Variants in TENM2 observed in about 807,000 individuals in gnomAD.
TENM2 encodes the protein teneurin-2.
In TENM2, 52 loss-of-function variants were observed where a neutral mutation model predicts 245.2. The observed-to-expected ratio is 0.21, with a 90% CI of 0.17 to 0.27. TENM2 has a LOEUF of 0.27. Among genes scored for constraint, TENM2 ranks in the 10% least tolerant of loss-of-function variants. TENM2 has a pLI of 1.00. For synonymous variants in TENM2, 1,363 were observed against 1,438.9 expected, an observed-to-expected ratio of 0.95 and a Z score of 1.19; for missense variants, 3,046 against 3,666.8, an observed-to-expected ratio of 0.83 and a Z score of 4.37.
intron 2 of TENM2, among the ~76,000 whole-genome samples, chr5:167,695,004 T>C (rs1757670167): frequency 6.6e-6 from 1 of 152,246 alleles, no homozygotes; most frequent in African/African-American, 2.4e-5. Context: ...ACAACATTCA[T>C]CTACTCTTGC....
intron 2 of TENM2, among the ~76,000 whole-genome samples, chr5:167,827,306 G>A (rs1316112251): frequency 6.6e-6 from 1 of 152,172 alleles, no homozygotes; most frequent in Non-Finnish European, 1.5e-5. Flanking sequence ...TCAGAGTGGG[G>A]CTGGTAGGGG....
intron 2 of TENM2, among the ~76,000 whole-genome samples, chr5:167,484,612 A>G (rs1172242656): frequency 6.6e-6 from 1 of 152,172 alleles, no homozygotes; most frequent in Non-Finnish European, 1.5e-5. Flanking sequence ...CAGCTCTACC[A>G]AACTAGTACA....
intron 2 of TENM2, among the ~76,000 whole-genome samples, chr5:167,481,915 A>T (rs537105178): frequency 3.3e-5 from 5 of 152,212 alleles, no homozygotes; most frequent in Non-Finnish European, 7.3e-5. Context: ...ATTACCGTCA[A>T]TTTTGCAGCT....
chr5:168,158,825 G>GTATATATA (rs1373189808), intron 12 of TENM2, among the ~76,000 whole-genome samples: 13 of 84,022 alleles, frequency 1.5e-4, no homozygotes, highest in African/African-American at 4.2e-4. Flanking sequence ...GTGTGTGTGT[G>GTATATATA]TGTGTATATA....
At chr5:167,465,442 T>C (rs928098510) in intron 2 of TENM2, among the ~76,000 whole-genome samples, 2 of 152,208 alleles carry the variant, frequency 1.3e-5, no homozygotes, top group Non-Finnish European at 2.9e-5. Flanking sequence ...CCAAGCACCA[T>C]GCTCTGCAAT....
chr5:167,159,926 A>G, the TENM2 span, among the ~76,000 whole-genome samples: 4 of 152,320 alleles, frequency 2.6e-5, no homozygotes, highest in Non-Finnish European at 5.9e-5. Flanking sequence ...TTCACATACA[A>G]ACAGTCCCAA....
chr5:168,199,376 T>A (rs1761740273), intron 16 of TENM2, among the ~76,000 whole-genome samples: 1 of 152,268 alleles, frequency 6.6e-6, no homozygotes, highest in Admixed American at 6.5e-5. Flanking sequence ...GCAACCCACC[T>A]GCAAATTGCT....
intron 2 of TENM2, among the ~76,000 whole-genome samples, chr5:167,378,852 CT>C (rs1346638511): frequency 2.2e-5 from 3 of 134,550 alleles, no homozygotes; most frequent in Non-Finnish European, 4.6e-5. Context: ...CACCTTGGGA[CT>C]TAAAAATTTC....
intron 2 of TENM2, among the ~76,000 whole-genome samples, chr5:167,749,651 A>G (rs906895587): frequency 1.4e-5 from 2 of 145,444 alleles, no homozygotes; most frequent in African/African-American, 5.0e-5. Context: ...AAAAAAAAAA[A>G]TCAATGGGAA....
chr5:167,036,585 A>C, the TENM2 span, among the ~76,000 whole-genome samples: 1 of 152,146 alleles, frequency 6.6e-6, no homozygotes, highest in East Asian at 1.9e-4. Context: ...AATTCTTACT[A>C]TATTCTATTG....
intron 2 of TENM2, among the ~76,000 whole-genome samples, chr5:167,686,259 A>G (rs1757068024): frequency 6.6e-6 from 1 of 152,234 alleles, no homozygotes; most frequent in Admixed American, 6.5e-5. Flanking sequence ...ATGACCAAAA[A>G]GACCATTTGT....
At chr5:167,141,011 G>A in the TENM2 span, among the ~76,000 whole-genome samples, 2 of 152,118 alleles carry the variant, frequency 1.3e-5, no homozygotes, top group African/African-American at 4.8e-5. Flanking sequence ...GTATTTACGT[G>A]GGGTTATATG....
chr5:167,668,227 C>T (rs1396036803), intron 2 of TENM2, among the ~76,000 whole-genome samples: 2 of 152,090 alleles, frequency 1.3e-5, no homozygotes, highest in Non-Finnish European at 2.9e-5. Flanking sequence ...TGAAGAAAAT[C>T]TTTCTCAGCT....
At chr5:167,336,176 CTTTT>C (rs35059289) in intron 1 of TENM2, among the ~76,000 whole-genome samples, 63 of 83,104 alleles carry the variant, frequency 7.6e-4, no homozygotes, top group Admixed American at 1.3e-3. Context: ...TTCATTTCTC[CTTTT>C]TTTTTTTTTT....
At chr5:167,491,813 CA>C (rs1268012990) in intron 2 of TENM2, among the ~76,000 whole-genome samples, 1 of 152,118 alleles carries the variant, frequency 6.6e-6, no homozygotes, top group Non-Finnish European at 1.5e-5. Context: ...CACATACAAC[CA>C]ACTACGTGAT....
At chr5:167,703,484 A>G (rs1156793917) in intron 2 of TENM2, among the ~76,000 whole-genome samples, 1 of 149,522 alleles carries the variant, frequency 6.7e-6, no homozygotes, top group Non-Finnish European at 1.5e-5. Flanking sequence ...GTGAGCCAAG[A>G]TCGCACCAAT....
chr5:167,559,753 C>A (rs1180950665), intron 2 of TENM2, among the ~76,000 whole-genome samples: 3 of 152,094 alleles, frequency 2.0e-5, no homozygotes, highest in Non-Finnish European at 4.4e-5. Flanking sequence ...AGAAAGAAGT[C>A]TTCTCTTCCA....
chr5:167,161,920 G>A, the TENM2 span, among the ~76,000 whole-genome samples: 2,276 of 152,208 alleles, frequency 0.015, 15 homozygotes, highest in Non-Finnish European at 0.024. Flanking sequence ...TGTAATCCCA[G>A]CACTTTGGGA....
chr5:168,001,703 T>C (rs1015568654), intron 5 of TENM2, among the ~76,000 whole-genome samples: 1 of 152,230 alleles, frequency 6.6e-6, no homozygotes, highest in Non-Finnish European at 1.5e-5. Context: ...GTGTCCCACA[T>C]TGAAAATTCT....
Sources: gnomAD v4.1 joint callset for allele counts (sites outside exome capture counted in the v4.1 genomes callset) on GRCh38, gnomAD v4.1.1 for gene constraint, MANE v1.5 for transcripts, NCBI Gene and HGNC (gene_info 2026-07-23, HGNC 2026-07-21) for gene names.